The following TNS1 variants were observed in gnomAD, a reference collection of about 807,000 sequenced individuals.
TNS1 encodes the protein tensin 1, also known as tensin-1.
In TNS1, 62 loss-of-function variants were observed where a neutral mutation model predicts 168.6. That is an observed-to-expected ratio of 0.37 (90% confidence interval 0.30 to 0.45). The LOEUF (loss-of-function observed/expected upper bound fraction) is 0.45. Among genes scored for constraint, TNS1 ranks in the 20% least tolerant of loss-of-function variants. The pLI, the probability that TNS1 is intolerant of heterozygous loss-of-function variation, is 1.00. For synonymous variants in TNS1, 934 were observed against 933.2 expected (o/e 1.00, Z -0.02); for missense variants, 2,240 against 2,339.4 (o/e 0.96, Z 0.88).
chr2:217,820,932 G>A (rs1166392161), intron 23 of TNS1, among the ~76,000 whole-genome samples: 2 of 152,108 alleles, frequency 1.3e-5, no homozygotes, highest in African/African-American at 4.8e-5. Context: ...CATGCCCTCA[G>A]CCTCACACTC....
chr2:217,945,560 G>C (rs1229674337), intron 3 of TNS1, among the ~76,000 whole-genome samples: 1 of 152,212 alleles, frequency 6.6e-6, no homozygotes, highest in Non-Finnish European at 1.5e-5. Flanking sequence ...TAGCTGGAAA[G>C]AGGGTCTGGG....
chr2:217,900,730 G>A, intron 6 of TNS1: 1 of 581,664 alleles, frequency 1.7e-6, no homozygotes, highest in Non-Finnish European at 3.0e-6. Flanking sequence ...GCAAGCCCCA[G>A]AGGGACAAAA....
chr2:217,927,253 T>C (rs908443957), intron 3 of TNS1, among the ~76,000 whole-genome samples: 6 of 152,232 alleles, frequency 3.9e-5, no homozygotes, highest in Middle Eastern at 6.8e-3. Context: ...CTTGGCGTGT[T>C]GAAAGAACCA....
In TNS1 at chr2:217,920,163, G is replaced by A. The variant is rs781036749; in HGVS notation, c.228+32C>T. 1.0e-5 allele frequency: 7 copies of A among 702,994 alleles called. No homozygotes were observed. In the African/African-American group the frequency reaches 1.2e-4, roughly 12 times the overall value. 43.5% of individuals were successfully genotyped at this position (702,994 alleles called of 1,614,324 possible). A position where few individuals can be genotyped will look rare whatever the true frequency, so the allele number is the denominator to read the frequency against. On this transcript the variant is annotated intron_variant, in intron 4 of 32. Coordinates refer to ENST00000682258, the MANE Select transcript of TNS1 (RefSeq NM_001387777.1). ...GGAGCTGCGGAGGGAGAGGAGGCAGGGCTTGCAGGGCAAGGAAGGGCTGTC... is the reference window on the plus strand; with the variant it reads ...GGAGCTGCGGAGGGAGAGGAGGCAGAGCTTGCAGGGCAAGGAAGGGCTGTC...
chr2:217,989,164 G>A (rs893210573), intron 2 of TNS1, among the ~76,000 whole-genome samples: 1 of 152,208 alleles, frequency 6.6e-6, no homozygotes, highest in African/African-American at 2.4e-5. Flanking sequence ...AGGAACATGC[G>A]GCAGAGAGCT....
At chr2:217,857,819 C>T (rs1948334619) in intron 18 of TNS1, among the ~76,000 whole-genome samples, 1 of 152,182 alleles carries the variant, frequency 6.6e-6, no homozygotes, top group African/African-American at 2.4e-5. Context: ...GGCACTCCCA[C>T]CCCTACCCTC....
chr2:217,809,487 GGATGCATGGATGGA>G (rs1559141051), intron 30 of TNS1, among the ~76,000 whole-genome samples: 10 of 14,236 alleles, frequency 7.0e-4, no homozygotes, highest in East Asian at 2.0e-3. Flanking sequence ...ATGGATGGAT[GGATGCATGGATGGA>G]TGCATGGATG....
intron 28 of TNS1, 144 bp from the exon 29 acceptor site, chr2:217,810,463 G>A: frequency 1.4e-6 from 1 of 733,836 alleles, no homozygotes; most frequent in Non-Finnish European, 2.3e-6. Flanking sequence ...CCTGAGTTAG[G>A]CTCAGTCTGA....
At chr2:217,808,416 C>T (rs1304623286) in intron 31 of TNS1, among the ~76,000 whole-genome samples, 187 bp downstream of exon 31, 1 of 152,102 alleles carries the variant, frequency 6.6e-6, no homozygotes, top group Non-Finnish European at 1.5e-5. Context: ...GGAGGGTCTC[C>T]ATATCTATAG....
chr2:217,835,058 A>G, intron 21 of TNS1, 33 bp downstream of exon 21: 1 of 1,550,210 alleles, frequency 6.5e-7, no homozygotes, highest in Non-Finnish European at 8.7e-7. Context: ...TGGAGGGTAC[A>G]CAGGGAAGAC....
intron 4 of TNS1, among the ~76,000 whole-genome samples, chr2:217,919,739 T>G (rs1343685508): frequency 6.6e-6 from 1 of 152,110 alleles, no homozygotes; most frequent in African/African-American, 2.4e-5. Flanking sequence ...AAAAGCAAAG[T>G]CAAGCCAAGG....
intron 2 of TNS1, among the ~76,000 whole-genome samples, chr2:217,989,446 G>C (rs548668534): frequency 6.6e-6 from 1 of 152,272 alleles, no homozygotes; most frequent in African/African-American, 2.4e-5. Context: ...GACTCCAGCT[G>C]TCCTTGGGAG....
chr2:217,836,494 C>G (rs1294940635), intron 19 of TNS1, among the ~76,000 whole-genome samples: 2 of 152,162 alleles, frequency 1.3e-5, no homozygotes, highest in East Asian at 3.9e-4. Flanking sequence ...ATACAAGAAA[C>G]AGATGTCAAC....
At chr2:217,994,582 C>T (rs539806788) in intron 1 of TNS1, among the ~76,000 whole-genome samples, 1 of 152,304 alleles carries the variant, frequency 6.6e-6, no homozygotes, top group Admixed American at 6.5e-5. Context: ...GCCTTCTTCC[C>T]AAAGCACAGT....
intron 1 of TNS1, among the ~76,000 whole-genome samples, chr2:218,017,404 C>T (rs1958771514): frequency 6.6e-6 from 1 of 152,352 alleles, no homozygotes; most frequent in Admixed American, 6.5e-5. Flanking sequence ...AGGGCCCTGC[C>T]AGCCCTGTGG....
intron 12 of TNS1, among the ~76,000 whole-genome samples, chr2:217,889,433 GT>G (rs1353239649): frequency 5.3e-5 from 8 of 152,238 alleles, no homozygotes; most frequent in African/African-American, 1.9e-4. Flanking sequence ...TGTTGGCCCA[GT>G]CAGTGTGCTC....
At chr2:217,863,319 C>G (rs1948966316) in intron 18 of TNS1, among the ~76,000 whole-genome samples, 1 of 152,024 alleles carries the variant, frequency 6.6e-6, no homozygotes, top group South Asian at 2.1e-4. Flanking sequence ...CCAGGGCCCC[C>G]CAGGGAATGT....
chr2:217,848,533 G>A lies in TNS1; in HGVS notation c.1984C>T (p.Leu662=), dbSNP rs1215280370. 18 of 1,613,818 alleles carry A rather than the reference G, an allele frequency of 1.1e-5. No homozygotes were observed. Among genetic ancestry groups the A allele is most frequent in the Non-Finnish European group, 1.5e-5 (18 of 1,179,884 alleles). ...TCCAGACCGTTGGTCAGTGGGGACAGGGCCTCTGGGTAGCCCCCCTCACTG... is the reference window on the plus strand; with the variant it reads ...TCCAGACCGTTGGTCAGTGGGGACAAGGCCTCTGGGTAGCCCCCCTCACTG... ...NTSEGGYPEA[L]SPLTNGLDKS... The change falls in exon 19 of 33, where the codon CTG becomes TTG. Residue 662 remains leucine, a synonymous_variant. Transcript: ENST00000682258.
chr2:218,004,592 CA>C (rs546906878), upstream of TNS1, among the ~76,000 whole-genome samples: 826 of 152,354 alleles, frequency 5.4e-3, 2 homozygotes, highest in Middle Eastern at 0.02. Flanking sequence ...AGGTTGTCCA[CA>C]GCACAAGGGA....
Sources: gnomAD v4.1 joint callset for allele counts (sites outside exome capture counted in the v4.1 genomes callset) on GRCh38, gnomAD v4.1.1 for gene constraint, MANE v1.5 for transcripts, NCBI Gene and HGNC (gene_info 2026-07-23, HGNC 2026-07-21) for gene names.